NR5A1: variants seen among roughly 807,000 people sequenced by gnomAD.
NR5A1 encodes steroidogenic factor 1.
NR5A1 carries 6 observed loss-of-function variants against 42.7 expected under a neutral mutation model. The ratio of observed to expected loss-of-function variants is 0.14; its 90% CI spans 0.08 to 0.28. The LOEUF is 0.28. NR5A1 is among the 10% of genes least tolerant of loss of function. The pLI is 1.00. For missense variants in NR5A1, 442 were observed against 626.4 expected (o/e 0.71, Z 3.14); for synonymous variants, 274 against 277.5 (o/e 0.99, Z 0.12).
At chr9:124,504,309 C>T (rs1832517501) in intron 1 of NR5A1, among the ~76,000 whole-genome samples, 1 of 152,172 alleles carries the variant, frequency 6.6e-6, no homozygotes, top group African/African-American at 2.4e-5. Context: ...CGGAAACCTG[C>T]CGGGCAGGAG....
chr9:124,500,343 T>C lies in NR5A1; in HGVS notation c.617A>G (p.Gln206Arg). Reference sequence around the variant, plus strand: ...TGGGTAGCCGTACGGCAGCCCAGGCTGTGGGGGGCTGGCATAAGGCTCCGG... The same window carrying C: ...TGGGTAGCCGTACGGCAGCCCAGGCCGTGGGGGGCTGGCATAAGGCTCCGG... ...EYPEPYASPP[Q>R]PGLPYGYPEP... is the part of the protein sequence containing the mutation. Residue 206 changes from glutamine to arginine, a missense_variant, in exon 4 of 7, where the codon CAG (glutamine) becomes CGG (arginine). By Grantham distance (43) the Gln-to-Arg change is conservative (BLOSUM62 1). Around this residue, in one of 3 missense-constraint regions of NR5A1, gnomAD observed 208 missense variants for 203.8 expected, o/e 1.02. Coordinates refer to ENST00000373588, the MANE Select transcript of NR5A1 (RefSeq NM_004959.5). The surrounding 1 kb of genome is among the most constrained non-coding windows in gnomAD (Gnocchi z 6.9). The C allele has an allele frequency of 6.4e-7, 1 of 1,556,422 alleles. No individual in the cohort carries two copies. Among genetic ancestry groups the C allele is most frequent in the Non-Finnish European group, 8.7e-7 (1 of 1,150,432 alleles).
chr9:124,490,433 AC>A lies in NR5A1; in HGVS notation c.1138+647del, dbSNP rs147340099. ...GGGTCAGGAGGGCAACGGGAAGGAG[AC>A]CCCCCAAGTGCTTGGGGAGTGAGGT... On this transcript the variant is annotated intron_variant, in intron 6 of 6. Coordinates refer to ENST00000373588, the MANE Select transcript of NR5A1 (RefSeq NM_004959.5). 6.9e-3 allele frequency among the ~76,000 whole-genome samples: 1,049 copies of A among 151,256 alleles called. 13 individuals carry two copies. Among genetic ancestry groups the A allele is most frequent in the African/African-American group, 0.025 (1,015 of 41,156 alleles).
At chr9:124,488,433 C>T (rs1267710086) in intron 6 of NR5A1, among the ~76,000 whole-genome samples, 1 of 152,180 alleles carries the variant, frequency 6.6e-6, no homozygotes, top group Non-Finnish European at 1.5e-5. Flanking sequence ...CTGCTGGGCT[C>T]AGGGCTCACC....
intron 5 of NR5A1, 148 bp downstream of exon 5, chr9:124,492,882 G>A (rs918695960): frequency 9.8e-6 from 10 of 1,022,196 alleles, no homozygotes; most frequent in Admixed American, 5.9e-5. Flanking sequence ...GCCAGTGGGT[G>A]TTCCATGAAC....
Position 124,498,217 on chromosome 9 carries a change from G to A in NR5A1, c.870+1873C>T, listed in dbSNP as rs1369395039. ...TCTCCTCACCTCTGGACTTTGCAAAGAGACACCAGCCCAGGGTCCACTGGA... is the reference window on the plus strand; with the variant it reads ...TCTCCTCACCTCTGGACTTTGCAAAAAGACACCAGCCCAGGGTCCACTGGA... On this transcript the variant is annotated intron_variant, in intron 4 of 6. Transcript: ENST00000373588. This position sits in a 1 kb window ranked among gnomAD's most constrained non-coding sequence, Gnocchi z 4.6. Among the ~76,000 whole-genome samples the A allele has an allele frequency of 6.6e-6, 1 of 152,120 alleles. No individual in the cohort carries two copies. Among genetic ancestry groups the A allele is most frequent in the Non-Finnish European group, 1.5e-5 (1 of 68,022 alleles).
chr9:124,497,190 C>T (rs1425402259), intron 4 of NR5A1, among the ~76,000 whole-genome samples: 1 of 152,164 alleles, frequency 6.6e-6, no homozygotes, highest in Non-Finnish European at 1.5e-5. Context: ...CTTCCCCTGT[C>T]CTTACTCACT....
intron 6 of NR5A1, among the ~76,000 whole-genome samples, chr9:124,488,694 TAGG>T (rs1832259259): frequency 6.6e-6 from 1 of 152,230 alleles, no homozygotes; most frequent in South Asian, 2.1e-4. Flanking sequence ...TAGGGATTAC[TAGG>T]AGGGTCACTC....
chr9:124,484,493 G>A (rs889290109), intron 6 of NR5A1, among the ~76,000 whole-genome samples: 1 of 152,212 alleles, frequency 6.6e-6, no homozygotes, highest in Non-Finnish European at 1.5e-5. Context: ...GTTCACACCT[G>A]TCATCCTAGT....
At chr9:124,504,024 C>CAGACAGAGAGAG (rs368063610) in intron 1 of NR5A1, among the ~76,000 whole-genome samples, 77 of 105,930 alleles carry the variant, frequency 7.3e-4, no homozygotes, top group African/African-American at 4.1e-3. Context: ...GACAGGGAGA[C>CAGACAGAGAGAG]AGAGAGAGAG....
At chr9:124,495,476 G>C (rs1019647021) in intron 4 of NR5A1, among the ~76,000 whole-genome samples, 2 of 152,236 alleles carry the variant, frequency 1.3e-5, no homozygotes, top group Non-Finnish European at 2.9e-5. Context: ...GCTCTGCCCA[G>C]AGGTTCCTAC....
Position 124,500,255 on chromosome 9 carries a change from C to A in NR5A1, c.705G>T (p.Pro235=). 1 of 1,596,182 alleles carries A rather than the reference C, an allele frequency of 6.3e-7. No individual in the cohort carries two copies. Among genetic ancestry groups the A allele is most frequent in the East Asian group, 2.3e-5 (1 of 43,770 alleles). The change falls in exon 4 of 7, where the codon CCG becomes CCT. Residue 235 remains proline (P), a synonymous_variant. Coordinates refer to ENST00000373588, the MANE Select transcript of NR5A1 (RefSeq NM_004959.5). This position sits in a 1 kb window ranked among gnomAD's most constrained non-coding sequence, Gnocchi z 6.9. The part of the protein sequence containing the change: ...ELILQLLQLE[P]DEDQVRARIL... ...TGCGGGCCCGCACCTGGTCCTCATC[C>A]GGCTCCAGCTGCAGCAGCTGCAGGA...
intron 4 of NR5A1, among the ~76,000 whole-genome samples, chr9:124,499,740 GC>G (rs1213262926): frequency 6.6e-6 from 1 of 152,124 alleles, no homozygotes; most frequent in Non-Finnish European, 1.5e-5. Context: ...TACTGAGAGA[GC>G]CCCAGAATAG....
intron 1 of NR5A1, among the ~76,000 whole-genome samples, chr9:124,504,218 G>C (rs879373973): frequency 1.3e-5 from 2 of 152,070 alleles, no homozygotes; most frequent in Non-Finnish European, 1.5e-5. Context: ...CCGGAGAGAC[G>C]AGGCCGGGGA....
chr9:124,483,897 A>T (rs755799063), intron 6 of NR5A1, among the ~76,000 whole-genome samples: 1 of 152,202 alleles, frequency 6.6e-6, no homozygotes, highest in African/African-American at 2.4e-5. Context: ...TCATGGGGCC[A>T]TGGGGGAGCA....
chr9:124,504,028 G>A (rs796806023), intron 1 of NR5A1, among the ~76,000 whole-genome samples: 1 of 129,404 alleles, frequency 7.7e-6, no homozygotes, highest in Admixed American at 7.0e-5. Context: ...GGGAGACAGA[G>A]AGAGAGAGAG....
chr9:124,504,366 C>G (rs1380170166), intron 1 of NR5A1, among the ~76,000 whole-genome samples: 1 of 152,138 alleles, frequency 6.6e-6, no homozygotes, highest in Admixed American at 6.5e-5. Flanking sequence ...CAGACGGGGG[C>G]CCGGGCCGCA....
At chr9:124,493,798 T>G (rs1008372616) in intron 4 of NR5A1, among the ~76,000 whole-genome samples, 17 of 152,212 alleles carry the variant, frequency 1.1e-4, no homozygotes, top group Non-Finnish European at 2.1e-4. Flanking sequence ...AACAAGGGGC[T>G]GATTCCGAAT....
At chr9:124,490,254 A>G (rs1832286078) in intron 6 of NR5A1, among the ~76,000 whole-genome samples, 1 of 152,154 alleles carries the variant, frequency 6.6e-6, no homozygotes, top group African/African-American at 2.4e-5. Flanking sequence ...AGCCACACCC[A>G]TCTCTCTGTC....
Position 124,484,371 on chromosome 9 carries a change from G to A in NR5A1, c.1139-1366C>T, listed in dbSNP as rs1832176807. On this transcript the variant is annotated intron_variant, in intron 6 of 6. Coordinates refer to ENST00000373588, the MANE Select transcript of NR5A1 (RefSeq NM_004959.5). ...AGTCAGGGAGCCCACACAATGCAGGGCAAAGCCTGGGACTGAGCGGAAAAC... is the reference window on the plus strand; with the variant it reads ...AGTCAGGGAGCCCACACAATGCAGGACAAAGCCTGGGACTGAGCGGAAAAC... Among the ~76,000 whole-genome samples the A allele has an allele frequency of 3.3e-5, 5 of 152,310 alleles. No homozygotes were observed. The South Asian group carries it at 8.3e-4, about 25-fold the overall frequency.
Sources: allele counts gnomAD v4.1 joint callset (sites outside exome capture counted in the v4.1 genomes callset), GRCh38; gene constraint gnomAD v4.1.1; regional missense constraint gnomAD v4.1.1; non-coding constraint Gnocchi (gnomAD v3.1); transcripts MANE v1.5; gene names NCBI Gene and HGNC (gene_info 2026-07-23, HGNC 2026-07-21).